The following MBD6 variants were observed in gnomAD, a reference collection of about 807,000 sequenced individuals.
The protein encoded by MBD6 is methyl-CpG binding domain protein 6.
In MBD6, 22 loss-of-function variants were observed where a neutral mutation model predicts 66.8. The observed-to-expected ratio is 0.33, with a 90% confidence interval of 0.24 to 0.47. The LOEUF is 0.47. MBD6 is among the 20% of genes least tolerant of loss of function. MBD6 has a pLI of 1.00. For missense variants in MBD6, 1,322 were observed against 1,286.9 expected (o/e 1.03, Z -0.42); for synonymous variants, 540 against 534.6 (o/e 1.01, Z -0.14).
At chr12:57,523,436 A>G (rs1386487883) in intron 1 of MBD6, 1 of 152,094 alleles carries the variant, frequency 6.6e-6, no homozygotes, top group Admixed American at 6.5e-5. Context: ...AAGCCAGTGG[A>G]ATAGGAGGTT....
At chr12:57,531,501 A>T (rs1879705081), downstream of MBD6, among the ~76,000 whole-genome samples, 1 of 152,174 alleles carries the variant, frequency 6.6e-6, no homozygotes, top group Non-Finnish European at 1.5e-5. Context: ...TGGGCAACAG[A>T]GCGAGACTCT....
rs202229102 is a variant in MBD6, at chr12:57,528,131, AT to A, written c.2407-9del. On this transcript the variant is annotated splice_polypyrimidine_tract_variant and intron_variant, in intron 9 of 12. Transcript: ENST00000355673. ...GGTATTTGAGATTGACTGAGAACTT[AT>A]TTTTTTGCCAGCAGATCCCTCCAGA... 7 of 1,570,948 alleles carry A rather than the reference AT, an allele frequency of 4.5e-6. No individual in the cohort carries two copies. Among genetic ancestry groups the A allele is most frequent in the Admixed American group, 2.1e-5 (1 of 47,756 alleles).
At position 57,527,136 on chromosome 12, in the gene MBD6, T is replaced by TC; in HGVS notation, c.1997dup (p.Leu667ThrfsTer50). The TC allele has an allele frequency of 1.3e-6, 2 of 1,512,238 alleles. No individual in the cohort carries two copies. The highest frequency in any genetic ancestry group is 9.0e-7 in the Non-Finnish European group (1 of 1,112,994). 93.7% of individuals were successfully genotyped at this position (1,512,238 alleles called of 1,614,324 possible). Reference sequence around the variant, plus strand: ...TTGGGAGACCTGTCCCCCCTACTTTTCCCCCCACTTTCAGCCCCCCCTACC... The same window carrying TC: ...TTGGGAGACCTGTCCCCCCTACTTTTCCCCCCCACTTTCAGCCCCCCCTACC... On this transcript the variant is annotated frameshift_variant, in exon 7 of 13. Transcript: ENST00000355673. LOFTEE classifies it high-confidence loss of function.
At chr12:57,528,123 G>A in intron 9 of MBD6, 24 bp from the exon 10 acceptor site, 1 of 1,566,012 alleles carries the variant, frequency 6.4e-7, no homozygotes, top group Non-Finnish European at 8.6e-7. Flanking sequence ...GAGATTGACT[G>A]AGAACTTATT....
Position 57,527,889 on chromosome 12 carries a change from A to G in MBD6, c.2278A>G (p.Ser760Gly), listed in dbSNP as rs1397284105. ...SLTSSPGALP[S>G]LLQPPGPLLS... ...GACCAGCAGCCCTGGAGCCCTCCCC[A>G]GCCTGTTGCAGCCTCCTGGCCCTCT... The change falls in exon 9 of 13, where the codon AGC (serine) becomes GGC (glycine). Residue 760 changes from serine (S) to glycine (G), a missense_variant. By Grantham distance (56) the Ser-to-Gly change is moderately conservative. Coordinates refer to ENST00000355673, the MANE Select transcript of MBD6 (RefSeq NM_052897.4). 1 of 1,613,778 alleles carries G rather than the reference A, an allele frequency of 6.2e-7. No homozygotes were observed.
At chr12:57,524,673 A>C (rs1310955790) in intron 3 of MBD6, 47 bp from the exon 4 acceptor site, 2 of 1,561,986 alleles carry the variant, frequency 1.3e-6, no homozygotes, top group Non-Finnish European at 1.8e-6. Flanking sequence ...GTATTGCCTG[A>C]TTCGCTGCCA....
At chr12:57,527,475 GC>G in intron 7 of MBD6, 31 bp from the exon 8 acceptor site, 1 of 1,611,154 alleles carries the variant, frequency 6.2e-7, no homozygotes, top group Non-Finnish European at 8.5e-7. Context: ...TATTTTACAC[GC>G]GTAAGTGTTA....
Position 57,528,171 on chromosome 12 carries a change from C to T in MBD6, c.2431C>T (p.Pro811Ser), listed in dbSNP as rs1879184607. The change falls in exon 10 of 13, where the codon CCC (proline) becomes TCC (serine). Residue 811 changes from proline to serine, a missense_variant. By Grantham distance (74) the Pro-to-Ser change is moderately conservative. Coordinates refer to ENST00000355673, the MANE Select transcript of MBD6 (RefSeq NM_052897.4). ...LQIPPEQPEAPCLPPESPASA... is the reference protein window; with the variant it reads ...LQIPPEQPEASCLPPESPASA... ...GATCCCTCCAGAGCAGCCAGAAGCC[C>T]CCTGTCTACCCCCCGAGAGCCCTGC... 1 of 1,606,464 alleles carries T rather than the reference C, an allele frequency of 6.2e-7. No homozygotes were observed. Among genetic ancestry groups the T allele is most frequent in the Non-Finnish European group, 8.5e-7 (1 of 1,177,684 alleles).
rs1879140461 is a variant in MBD6 at position 57,527,901 on chromosome 12, C to A, written c.2290C>A (p.Pro764Thr). The change falls in exon 9 of 13, where the codon CCT (proline) becomes ACT (threonine). Residue 764 changes from proline to threonine, a missense_variant. By Grantham distance (38) the Pro-to-Thr change is conservative (BLOSUM62 -1). Transcript: ENST00000355673. Reference sequence around the variant, plus strand: ...TGGAGCCCTCCCCAGCCTGTTGCAGCCTCCTGGCCCTCTTCTCTCTGGCCA... The same window carrying A: ...TGGAGCCCTCCCCAGCCTGTTGCAGACTCCTGGCCCTCTTCTCTCTGGCCA... ...SPGALPSLLQ[P>T]PGPLLSGQLG... is the part of the protein sequence containing the mutation. The A allele has an allele frequency of 6.2e-7, 1 of 1,613,760 alleles. No homozygotes were observed. The highest frequency in any genetic ancestry group is 2.2e-5 in the East Asian group (1 of 44,866).
Position 57,525,621 on chromosome 12 carries a change from C to T in MBD6, c.653C>T (p.Pro218Leu), listed in dbSNP as rs771245689. ...NAPSPAPPPP[P>L]AISLNAPSYN... ...CCCTCTCCAGCCCCACCTCCTCCAC[C>T]TGCTATCAGCCTCAATGCTCCCTCA... Residue 218 changes from proline (P) to leucine (L), a missense_variant, in exon 6 of 13, where the codon CCT becomes CTT. By Grantham distance (98) the Pro-to-Leu change is moderately conservative (BLOSUM62 -3). Transcript: ENST00000355673. 1.2e-6 allele frequency: 2 copies of T among 1,613,722 alleles called. No homozygotes were observed. The highest frequency in any genetic ancestry group is 1.1e-5 in the South Asian group (1 of 91,066).
Position 57,529,201 on chromosome 12 carries a change from T to C in MBD6, c.2979T>C (p.Pro993=). 6.2e-7 allele frequency: 1 copy of C among 1,614,090 alleles called. No individual in the cohort carries two copies. The highest frequency in any genetic ancestry group is 1.7e-4 in the Middle Eastern group (1 of 6,060). The change falls in exon 13 of 13, where the codon CCT becomes CCC. Residue 993 remains proline, a synonymous_variant. Coordinates refer to ENST00000355673, the MANE Select transcript of MBD6 (RefSeq NM_052897.4). ...PLPPRARPGR[P]AKNKRRKLAP is the part of the protein sequence containing the mutation. Reference sequence around the variant, plus strand: ...CTCCCCGGGCCCGCCCTGGCCGTCCTGCCAAAAACAAGAGGAGGAAACTGG... The same window carrying C: ...CTCCCCGGGCCCGCCCTGGCCGTCCCGCCAAAAACAAGAGGAGGAAACTGG...
Position 57,526,153 on chromosome 12 carries a change from C to A in MBD6, c.1185C>A (p.Val395=), listed in dbSNP as rs142578767. 1.2e-4 allele frequency: 188 copies of A among 1,614,150 alleles called. No individual in the cohort carries two copies. The African/African-American group carries it at 1.8e-3, about 16-fold the overall frequency. The change falls in exon 6 of 13, where the codon GTC becomes GTA. Residue 395 remains valine, a synonymous_variant. Coordinates refer to ENST00000355673, the MANE Select transcript of MBD6 (RefSeq NM_052897.4). ...RRSRPRAPAP[V]PQPFSLPEPS... is the part of the protein sequence containing the mutation. ...GCCGTCCTCGGGCCCCTGCTCCTGTCCCCCAACCCTTTTCTCTCCCGGAGC... is the reference window on the plus strand; with the variant it reads ...GCCGTCCTCGGGCCCCTGCTCCTGTACCCCAACCCTTTTCTCTCCCGGAGC...
chr12:57,524,896 G>A (rs1441521004), intron 4 of MBD6, 57 bp from the exon 5 acceptor site: 2 of 1,607,844 alleles, frequency 1.2e-6, no homozygotes, highest in Non-Finnish European at 1.7e-6. Flanking sequence ...GACTGAGGTA[G>A]CCCTTCTCAC....
chr12:57,527,681 A>G, intron 8 of MBD6, 21 bp downstream of exon 8: 9 of 1,570,674 alleles, frequency 5.7e-6, no homozygotes, highest in Non-Finnish European at 7.8e-6. Flanking sequence ...GGGAGTGTGA[A>G]TTCACACTCT....
At chr12:57,521,934 C>T (rs1219940660), upstream of MBD6, 1 of 152,136 alleles carries the variant, frequency 6.6e-6, no homozygotes, top group African/African-American at 2.4e-5. Flanking sequence ...ATCTTACCGT[C>T]CTTGTTTGTA....
chr12:57,528,756 A>G (rs200726918), intron 11 of MBD6, 38 bp downstream of exon 11: 5 of 1,613,232 alleles, frequency 3.1e-6, no homozygotes, highest in East Asian at 4.5e-5. Flanking sequence ...GCCTTTGCCT[A>G]CTTCTTTTTG....
rs1259532517 is a variant in MBD6 at position 57,526,629 on chromosome 12, C to T, written c.1484C>T (p.Pro495Leu). The change falls in exon 7 of 13, where the codon CCA becomes CTA. Residue 495 changes from proline to leucine, a missense_variant. By Grantham distance (98) the Pro-to-Leu change is moderately conservative. Transcript: ENST00000355673. ...PVVPSPVLQSPSEGLGMGAGP... is the reference protein window; with the variant it reads ...PVVPSPVLQSLSEGLGMGAGP... ...GTCCCCAGCCCTGTGCTTCAAAGCC[C>T]ATCCGAAGGACTGGGGATGGGGGCA... The T allele has an allele frequency of 6.6e-7, 1 of 1,513,394 alleles. No homozygotes were observed. The highest frequency in any genetic ancestry group is 1.4e-5 in the African/African-American group (1 of 71,580). The allele number at this position is 1,513,394 out of a possible 1,614,324, so 93.7% of individuals were successfully genotyped here.
At position 57,530,006 on chromosome 12, in the gene MBD6, A is replaced by G. The variant is rs1879482903; in HGVS notation, c.*772A>G. The G allele has an allele frequency of 6.5e-6, 1 of 152,708 alleles. No homozygotes were observed. Among genetic ancestry groups the G allele is most frequent in the South Asian group, 2.1e-4 (1 of 4,832 alleles). The allele number at this position is 152,708 out of a possible 1,614,324, so 9.5% of individuals were successfully genotyped here. On this transcript the variant is annotated 3_prime_UTR_variant, in exon 13 of 13. Transcript: ENST00000355673. The stretch of plus-strand genomic sequence containing the variant: ...GAGCGGCCAGCATGACCAGCTGTCC[A>G]GGGGCTGCCTCCTGCCTTTTCTTTT...
chr12:57,529,419 C>T lies in MBD6; in HGVS notation c.*185C>T. 2 of 347,432 alleles carry T rather than the reference C, an allele frequency of 5.8e-6. No homozygotes were observed. The highest frequency in any genetic ancestry group is 1.0e-5 in the Non-Finnish European group (2 of 195,366). The allele number at this position is 347,432 out of a possible 1,614,324, so 21.5% of individuals were successfully genotyped here. A position where few individuals can be genotyped will look rare whatever the true frequency, so the allele number is the denominator to read the frequency against. On this transcript the variant is annotated 3_prime_UTR_variant, in exon 13 of 13. Coordinates refer to ENST00000355673, the MANE Select transcript of MBD6 (RefSeq NM_052897.4). ...CCATTGCAGGGGGCAGGGAAGTTCA[C>T]CCCCCCCCACCACCCCCCCGCCCCC...
Sources: allele counts gnomAD v4.1 joint callset (sites outside exome capture counted in the v4.1 genomes callset), GRCh38; gene constraint gnomAD v4.1.1; transcripts MANE v1.5; gene names NCBI Gene and HGNC (gene_info 2026-07-23, HGNC 2026-07-21).